The following ME3 variants were observed in gnomAD, a reference collection of about 807,000 sequenced individuals.
ME3 encodes malic enzyme 3.
In ME3, 48 loss-of-function variants were observed where a neutral mutation model predicts 68.9. That is an observed-to-expected ratio of 0.70 (90% confidence interval 0.55 to 0.89). The LOEUF is 0.89. ME3 is among the 40% of genes least tolerant of loss of function. ME3 has a pLI of 0.00. For missense variants in ME3, 675 were observed against 797.4 expected (o/e 0.85, Z 1.85); for synonymous variants, 320 against 318.8 (o/e 1.00, Z -0.04).
At chr11:86,670,138 G>T (rs1946827621) in intron 2 of ME3, among the ~76,000 whole-genome samples, 1 of 152,198 alleles carries the variant, frequency 6.6e-6, no homozygotes, top group South Asian at 2.1e-4. Context: ...TGGGAAGAGA[G>T]AATCTAATCA....
At position 86,648,509 on chromosome 11, in the gene ME3, A is replaced by G. The variant is rs550732625; in HGVS notation, c.183+23253T>C. ...ACTGAAGGAGATAGAGACACAAAAA[A>G]CCTTTCAAAAAAAAAAAAATCAATG... On this transcript the variant is annotated intron_variant, in intron 2 of 14. Transcript: ENST00000543262. 5.5e-4 allele frequency among the ~76,000 whole-genome samples: 30 copies of G among 54,664 alleles called. No individual in the cohort carries two copies. The South Asian group carries it at 0.016, about 30-fold the overall frequency. 35.9% of individuals were successfully genotyped at this position (54,664 alleles called of 152,430 possible). A position where few individuals can be genotyped will look rare whatever the true frequency, so the allele number is the denominator to read the frequency against.
At chr11:86,436,233 G>A (rs1039768807), downstream of ME3, 1 of 151,926 alleles carries the variant, frequency 6.6e-6, no homozygotes, top group African/African-American at 2.4e-5. Flanking sequence ...GTGTTGTTAT[G>A]CCATTGTGGT....
At chr11:86,581,562 T>A (rs181564971) in intron 2 of ME3, among the ~76,000 whole-genome samples, 2 of 152,328 alleles carry the variant, frequency 1.3e-5, no homozygotes, top group East Asian at 3.9e-4. Flanking sequence ...TGAAGCAGTT[T>A]GGGTAAAAAG....
At chr11:86,545,080 T>A (rs1188295320) in intron 4 of ME3, among the ~76,000 whole-genome samples, 1 of 151,982 alleles carries the variant, frequency 6.6e-6, no homozygotes, top group African/African-American at 2.4e-5. Context: ...AACCACATGA[T>A]TATCTCAATA....
At chr11:86,632,501 T>C (rs1019471081) in intron 2 of ME3, among the ~76,000 whole-genome samples, 2 of 152,192 alleles carry the variant, frequency 1.3e-5, no homozygotes, top group African/African-American at 4.8e-5. Flanking sequence ...ACTTGGGAAT[T>C]AGTCCTCAGG....
At chr11:86,652,828 G>T (rs978887149) in intron 2 of ME3, among the ~76,000 whole-genome samples, 9 of 151,958 alleles carry the variant, frequency 5.9e-5, no homozygotes, top group Non-Finnish European at 1.2e-4. Context: ...AGACCCATCA[G>T]TGTGCTGTAT....
At chr11:86,456,497 T>C (rs886216341) in intron 8 of ME3, among the ~76,000 whole-genome samples, 1 of 152,178 alleles carries the variant, frequency 6.6e-6, no homozygotes, top group Non-Finnish European at 1.5e-5. Context: ...GGCTTGGCCC[T>C]GTCAGTCACC....
At chr11:86,462,566 A>G in intron 8 of ME3, 1 of 1,280,334 alleles carries the variant, frequency 7.8e-7, no homozygotes. Flanking sequence ...ACATACTCAC[A>G]TGAACAGGTG....
intron 7 of ME3, among the ~76,000 whole-genome samples, chr11:86,484,056 T>G (rs973716124): frequency 1.2e-4 from 18 of 152,194 alleles, no homozygotes; most frequent in African/African-American, 4.3e-4. Context: ...GTTGCTGTGG[T>G]TCACAGACTA....
chr11:86,576,633 C>T (rs1290341849), intron 2 of ME3, among the ~76,000 whole-genome samples: 1 of 152,164 alleles, frequency 6.6e-6, no homozygotes, highest in Non-Finnish European at 1.5e-5. Flanking sequence ...CCTGGAGATA[C>T]TGGTAAGAGC....
chr11:86,605,524 C>T (rs1961501653), intron 2 of ME3, among the ~76,000 whole-genome samples: 1 of 152,210 alleles, frequency 6.6e-6, no homozygotes, highest in African/African-American at 2.4e-5. Context: ...TAAGGCCAGT[C>T]TGTTTGGACA....
At chr11:86,513,498 A>G (rs1042094547) in intron 4 of ME3, among the ~76,000 whole-genome samples, 8 of 152,210 alleles carry the variant, frequency 5.3e-5, no homozygotes, top group Admixed American at 5.2e-4. Flanking sequence ...AAGGTCACAC[A>G]GCTCATAAGC....
rs375368626 is a variant in ME3, at chr11:86,441,425, A to G, written c.1669T>C (p.Tyr557His). 12 of 1,599,770 alleles carry G rather than the reference A, an allele frequency of 7.5e-6. No individual in the cohort carries two copies. In the African/African-American group the frequency reaches 1.6e-4, roughly 22 times the overall value. ...TAGTAGGAAGCCAGGTTGTGTTTGT[A>G]CGCGTAGTCGAGAACCTAGAGAAAA... The change falls in exon 15 of 15, where the codon TAC (tyrosine) becomes CAC (histidine). Residue 557 changes from tyrosine (Y) to histidine (H), a missense_variant. Transcript: ENST00000543262.
intron 2 of ME3, among the ~76,000 whole-genome samples, chr11:86,622,563 C>T (rs1298101969): frequency 6.6e-6 from 1 of 152,026 alleles, no homozygotes; most frequent in Non-Finnish European, 1.5e-5. Flanking sequence ...TGGACCACAA[C>T]TGAAAAACAC....
intron 2 of ME3, among the ~76,000 whole-genome samples, chr11:86,662,680 A>C (rs928980154): frequency 2.6e-5 from 4 of 152,240 alleles, no homozygotes; most frequent in Admixed American, 2.0e-4. Flanking sequence ...GTATTGTATT[A>C]AATGGGTTAA....
intron 2 of ME3, among the ~76,000 whole-genome samples, chr11:86,655,050 A>G (rs1003789057): frequency 6.6e-5 from 10 of 152,198 alleles, no homozygotes; most frequent in South Asian, 6.2e-4. Context: ...GGGATGTGAA[A>G]GACCTCTTCA....
At chr11:86,571,087 A>C (rs529753228) in intron 2 of ME3, among the ~76,000 whole-genome samples, 1 of 152,208 alleles carries the variant, frequency 6.6e-6, no homozygotes, top group Non-Finnish European at 1.5e-5. Context: ...TTTTAGGTTA[A>C]GGGTTATAAG....
At chr11:86,585,285 T>G (rs1258750241) in intron 2 of ME3, among the ~76,000 whole-genome samples, 1 of 152,180 alleles carries the variant, frequency 6.6e-6, no homozygotes, top group Non-Finnish European at 1.5e-5. Context: ...TTTGGAAGGG[T>G]CCAAGAATGT....
chr11:86,623,129 G>C (rs1165520202), intron 2 of ME3, among the ~76,000 whole-genome samples: 3 of 152,148 alleles, frequency 2.0e-5, no homozygotes, highest in Non-Finnish European at 4.4e-5. Context: ...ATTAGCATTT[G>C]AATCAGTAGA....
Sources: gnomAD v4.1 joint callset for allele counts (sites outside exome capture counted in the v4.1 genomes callset) on GRCh38, gnomAD v4.1.1 for gene constraint, MANE v1.5 for transcripts, NCBI Gene and HGNC (gene_info 2026-07-23, HGNC 2026-07-21) for gene names.